Variants in HACD2 observed in about 807,000 individuals in gnomAD.
HACD2 encodes the protein 3-hydroxyacyl-CoA dehydratase 2, also known as very-long-chain (3R)-3-hydroxyacyl-CoA dehydratase 2.
A neutral mutation model predicts 31.0 loss-of-function variants in HACD2; 15 were observed. The ratio of observed to expected loss-of-function variants is 0.48; its 90% CI spans 0.32 to 0.75. The LOEUF is 0.75. Ranked by LOEUF, HACD2 falls within the 30% of genes least tolerant of loss-of-function variation. HACD2 has a pLI of 0.03. For missense variants in HACD2, 283 were observed against 313.0 expected (o/e 0.90, Z 0.72); for synonymous variants, 115 against 122.2 (o/e 0.94, Z 0.39).
At chr3:123,552,682 A>AT (rs2056631916) in intron 3 of HACD2, among the ~76,000 whole-genome samples, 1 of 152,202 alleles carries the variant, frequency 6.6e-6, no homozygotes. Flanking sequence ...TTAAATAGGC[A>AT]TTTGGGCTAT....
At chr3:123,512,980 A>G (rs1268958989) in intron 4 of HACD2, among the ~76,000 whole-genome samples, 1 of 152,162 alleles carries the variant, frequency 6.6e-6, no homozygotes, top group Non-Finnish European at 1.5e-5. Context: ...GGAATCAGGC[A>G]GGGCTCTTTG....
At chr3:123,502,845 G>A (rs911904991) in intron 4 of HACD2, 164 bp from the exon 5 acceptor site, 3 of 646,668 alleles carry the variant, frequency 4.6e-6, no homozygotes, top group Non-Finnish European at 7.7e-6. Flanking sequence ...TGGGGCCTAG[G>A]ATGACAGCTG....
At chr3:123,552,432 A>G (rs2056629597) in intron 3 of HACD2, among the ~76,000 whole-genome samples, 1 of 152,246 alleles carries the variant, frequency 6.6e-6, no homozygotes, top group Non-Finnish European at 1.5e-5. Context: ...CATCCACTAA[A>G]GAGACTATAC....
chr3:123,544,022 G>C (rs2056524899), intron 3 of HACD2, among the ~76,000 whole-genome samples: 1 of 152,162 alleles, frequency 6.6e-6, no homozygotes. Context: ...GATCCAAGAA[G>C]GATAAAAGGG....
At chr3:123,503,834 G>A (rs1182795618) in intron 4 of HACD2, among the ~76,000 whole-genome samples, 1 of 152,050 alleles carries the variant, frequency 6.6e-6, no homozygotes, top group Non-Finnish European at 1.5e-5. Flanking sequence ...ATACAGCAAG[G>A]GAATGGCATT....
At chr3:123,525,239 TGGGGTATTTGCTATGTTAGGTCAA>T (rs1173784639) in intron 4 of HACD2, among the ~76,000 whole-genome samples, 1 of 152,266 alleles carries the variant, frequency 6.6e-6, no homozygotes, top group East Asian at 1.9e-4. Context: ...AAAAGGTGGA[TGGGGTATTTGCTATGTTAGGTCAA>T]GGAAAAGCAT....
chr3:123,544,717 A>C (rs1307177169), intron 3 of HACD2, among the ~76,000 whole-genome samples: 1 of 152,200 alleles, frequency 6.6e-6, no homozygotes, highest in Non-Finnish European at 1.5e-5. Context: ...TTTTATGTCA[A>C]GAGATATCTC....
At chr3:123,567,859 T>C in intron 2 of HACD2, 79 bp from the exon 3 acceptor site, 1 of 954,624 alleles carries the variant, frequency 1.0e-6, no homozygotes, top group Non-Finnish European at 1.5e-6. Flanking sequence ...AAACTAATGT[T>C]TCAGTAAGAA....
At chr3:123,516,865 T>C (rs2107695138) in intron 4 of HACD2, among the ~76,000 whole-genome samples, 1 of 152,336 alleles carries the variant, frequency 6.6e-6, no homozygotes, top group East Asian at 1.9e-4. Context: ...GGATGGTCGG[T>C]ACCTCAACTA....
At chr3:123,574,563 C>T (rs948147910) in intron 2 of HACD2, among the ~76,000 whole-genome samples, 2 of 151,896 alleles carry the variant, frequency 1.3e-5, no homozygotes, top group Non-Finnish European at 2.9e-5. Flanking sequence ...CTCTTTAAAT[C>T]GAAAAATAAA....
chr3:123,567,823 CAA>C, intron 2 of HACD2, 43 bp from the exon 3 acceptor site: 1 of 1,337,560 alleles, frequency 7.5e-7, no homozygotes, highest in Non-Finnish European at 1.0e-6. Context: ...TAGTAAGAAT[CAA>C]GATATTAAAG....
At chr3:123,506,091 C>T (rs2055972496) in intron 4 of HACD2, among the ~76,000 whole-genome samples, 1 of 152,262 alleles carries the variant, frequency 6.6e-6, no homozygotes, top group South Asian at 2.1e-4. Flanking sequence ...CTAATACTGA[C>T]TTCCTTGCAT....
chr3:123,528,383 T>C lies in HACD2; in HGVS notation c.381+3A>G. 6.3e-7 allele frequency: 1 copy of C among 1,583,008 alleles called. No homozygotes were observed. Among genetic ancestry groups the C allele is most frequent in the Non-Finnish European group, 8.7e-7 (1 of 1,151,826 alleles). On this transcript the variant is annotated splice_donor_region_variant and intron_variant, in intron 4 of 6. Coordinates refer to ENST00000383657, the MANE Select transcript of HACD2 (RefSeq NM_198402.5). ...CATTATTTTGGTCTATATAAACACT[T>C]ACCTCTTTGACGCTATGTGTTACTG... is the stretch of plus-strand genomic sequence containing the variant.
chr3:123,556,848 G>A (rs1369041969), intron 3 of HACD2, among the ~76,000 whole-genome samples: 1 of 152,188 alleles, frequency 6.6e-6, no homozygotes, highest in African/African-American at 2.4e-5. Flanking sequence ...ATGAAAAGAT[G>A]TGCCATAGCA....
chr3:123,533,850 A>G (rs559697403), intron 3 of HACD2, among the ~76,000 whole-genome samples: 1 of 152,332 alleles, frequency 6.6e-6, no homozygotes, highest in South Asian at 2.1e-4. Flanking sequence ...GGGGTGACCA[A>G]ACATTTGTAA....
In HACD2 at chr3:123,564,218, A is replaced by G. The variant is rs1456950359; in HGVS notation, c.292+3544T>C. ...TGCCTGTGTGCACCCAGGAGCAGAC[A>G]TCCAGGAAATCAGTGGACAGGGCTG... On this transcript the variant is annotated intron_variant, in intron 3 of 6. Transcript: ENST00000383657. 2.0e-5 allele frequency among the ~76,000 whole-genome samples: 3 copies of G among 152,358 alleles called. No homozygotes were observed. In the East Asian group the frequency reaches 5.8e-4, roughly 29 times the overall value.
At chr3:123,551,745 A>C (rs1325897560) in intron 3 of HACD2, among the ~76,000 whole-genome samples, 1 of 152,206 alleles carries the variant, frequency 6.6e-6, no homozygotes, top group Non-Finnish European at 1.5e-5. Context: ...CTGGAAATTT[A>C]TCTATAGAGA....
intron 4 of HACD2, among the ~76,000 whole-genome samples, chr3:123,525,909 G>C (rs148488879): frequency 7.2e-4 from 109 of 152,318 alleles, no homozygotes; most frequent in African/African-American, 2.4e-3. Flanking sequence ...TTTTTAAGAT[G>C]CTTCAGGAAA....
chr3:123,548,512 C>G (rs147521690), intron 3 of HACD2, among the ~76,000 whole-genome samples: 9 of 152,290 alleles, frequency 5.9e-5, no homozygotes, highest in African/African-American at 1.9e-4. Flanking sequence ...AGATTGGAAA[C>G]ATTTTGTTTT....
Sources: allele counts gnomAD v4.1 joint callset (sites outside exome capture counted in the v4.1 genomes callset), GRCh38; gene constraint gnomAD v4.1.1; transcripts MANE v1.5; gene names NCBI Gene and HGNC (gene_info 2026-07-23, HGNC 2026-07-21).